NAALADL2: variants seen among roughly 807,000 people sequenced by gnomAD.
The protein encoded by NAALADL2 is N-acetylated alpha-linked acidic dipeptidase like 2.
Under a neutral mutation model 87.2 loss-of-function variants are expected in NAALADL2, and 76 were observed. The ratio of observed to expected loss-of-function variants is 0.87; its 90% CI spans 0.72 to 1.05. The LOEUF (loss-of-function observed/expected upper bound fraction) is 1.05. Ranked by LOEUF, NAALADL2 falls within the 50% of genes least tolerant of loss-of-function variation. The pLI is 0.00. For synonymous variants in NAALADL2, 354 were observed against 331.0 expected (o/e 1.07, Z -0.75); for missense variants, 1,089 against 945.8 (o/e 1.15, Z -1.99).
intron 1 of NAALADL2, among the ~76,000 whole-genome samples, chr3:174,532,404 CTT>C (rs1721328980): frequency 6.6e-6 from 1 of 152,116 alleles, no homozygotes; most frequent in East Asian, 1.9e-4. Flanking sequence ...AGAGGTCAGT[CTT>C]ATAAATATTT....
At position 175,471,727 on chromosome 3, in the gene NAALADL2, C is replaced by T. The variant is rs1415745338; in HGVS notation, c.1622C>T (p.Ala541Val). ...GGGAACTCTAGTCTGTATCCTGTAG[C>T]ATCACCATCTCTTCAGCAACTGGTA... ...IRGNSSLYPV[A>V]SPSLQQLVVE... The change falls in exon 9 of 14, where the codon GCA (alanine) becomes GTA (valine). Residue 541 changes from alanine to valine, a missense_variant. Ala to Val is a moderately conservative substitution (Grantham distance 64). Transcript: ENST00000454872. 1 of 1,608,438 alleles carries T rather than the reference C, an allele frequency of 6.2e-7. No individual in the cohort carries two copies.
chr3:174,686,279 C>T (rs1285216767), intron 2 of NAALADL2, among the ~76,000 whole-genome samples: 2 of 152,086 alleles, frequency 1.3e-5, no homozygotes, highest in Non-Finnish European at 1.5e-5. Flanking sequence ...AATTTACACT[C>T]CCACCAACAC....
Position 174,979,514 on chromosome 3 carries a change from C to A in NAALADL2, c.44-117276C>A, listed in dbSNP as rs938304123. On this transcript the variant is annotated intron_variant, in intron 1 of 13. Transcript: ENST00000454872. ...TAGAGATGGGGTTTCACCGTGTTAG[C>A]CAGGATGGTCTCCATCTGCTGGCCT... Among the ~76,000 whole-genome samples, 24 of 151,888 alleles carry A rather than the reference C, an allele frequency of 1.6e-4. No individual in the cohort carries two copies. The South Asian group carries it at 2.7e-3, about 17-fold the overall frequency.
At chr3:174,666,932 AT>A (rs1483267597) in intron 2 of NAALADL2, among the ~76,000 whole-genome samples, 1 of 152,038 alleles carries the variant, frequency 6.6e-6, no homozygotes, top group African/African-American at 2.4e-5. Context: ...ATCATACAGT[AT>A]TTGTCTTTTT....
At chr3:175,084,063 A>G (rs1479545601) in intron 1 of NAALADL2, among the ~76,000 whole-genome samples, 2 of 152,194 alleles carry the variant, frequency 1.3e-5, no homozygotes, top group East Asian at 3.8e-4. Context: ...AAGGTCTTAT[A>G]TGCTTTGGAA....
chr3:174,845,476 C>T (rs1724516956), intron 3 of NAALADL2, among the ~76,000 whole-genome samples: 1 of 152,202 alleles, frequency 6.6e-6, no homozygotes, highest in South Asian at 2.1e-4. Flanking sequence ...GTCTAGGTTT[C>T]TCTCTGGTAG....
chr3:174,870,873 C>T lies in NAALADL2; in HGVS notation c.43+11423C>T, dbSNP rs906674233. On this transcript the variant is annotated intron_variant, in intron 1 of 13. Coordinates refer to ENST00000454872, the MANE Select transcript of NAALADL2 (RefSeq NM_207015.3). Reference sequence around the variant, plus strand: ...GCTGATGTATCTGCTTTTCTATAGACACTGTATTTTACAAAAATTCATATA... The same window carrying T: ...GCTGATGTATCTGCTTTTCTATAGATACTGTATTTTACAAAAATTCATATA... Among the ~76,000 whole-genome samples, 17 of 152,202 alleles carry T rather than the reference C, an allele frequency of 1.1e-4. No individual in the cohort carries two copies. The East Asian group carries it at 3.1e-3, about 28-fold the overall frequency.
intron 11 of NAALADL2, among the ~76,000 whole-genome samples, chr3:175,726,635 C>T (rs115571013): frequency 7.9e-5 from 12 of 152,112 alleles, no homozygotes; most frequent in Non-Finnish European, 1.5e-4. Context: ...TGATAATGTG[C>T]TTTCTATTGG....
intron 3 of NAALADL2, among the ~76,000 whole-genome samples, chr3:174,780,288 G>A (rs12632787): frequency 0.25 from 38,044 of 152,012 alleles, 4,913 homozygotes; most frequent in East Asian, 0.4. Context: ...CTGTTTGTCT[G>A]TTATTGGTGT....
chr3:174,669,788 T>A (rs1408836800), intron 2 of NAALADL2, among the ~76,000 whole-genome samples: 1 of 152,032 alleles, frequency 6.6e-6, no homozygotes, highest in Non-Finnish European at 1.5e-5. Context: ...CCATTGTGAT[T>A]TTTGATACAT....
At chr3:175,127,223 C>G (rs1228032746) in intron 2 of NAALADL2, among the ~76,000 whole-genome samples, 1 of 152,096 alleles carries the variant, frequency 6.6e-6, no homozygotes, top group East Asian at 1.9e-4. Flanking sequence ...CATTTCACTT[C>G]ATTATCTCCC....
chr3:175,086,460 A>C (rs1179499083), intron 1 of NAALADL2, among the ~76,000 whole-genome samples: 1 of 152,166 alleles, frequency 6.6e-6, no homozygotes, highest in Non-Finnish European at 1.5e-5. Flanking sequence ...CATGTTGATA[A>C]AGTAATAATA....
intron 1 of NAALADL2, among the ~76,000 whole-genome samples, chr3:174,985,888 G>A (rs945996072): frequency 1.3e-5 from 2 of 151,900 alleles, no homozygotes; most frequent in African/African-American, 2.4e-5. Context: ...GGAGGCGGAG[G>A]TTGTGATGAG....
chr3:174,917,171 T>A (rs1366205314), intron 1 of NAALADL2, among the ~76,000 whole-genome samples: 1 of 152,140 alleles, frequency 6.6e-6, no homozygotes, highest in East Asian at 1.9e-4. Context: ...CAAAGAAGAT[T>A]TGTAAACACA....
intron 9 of NAALADL2, among the ~76,000 whole-genome samples, chr3:175,510,904 G>T (rs1731058525): frequency 6.6e-6 from 1 of 152,080 alleles, no homozygotes; most frequent in Non-Finnish European, 1.5e-5. Flanking sequence ...CATGTCCACA[G>T]CTCTTAACAG....
chr3:174,862,006 T>C (rs1362920334), intron 1 of NAALADL2, among the ~76,000 whole-genome samples: 1 of 152,028 alleles, frequency 6.6e-6, no homozygotes, highest in African/African-American at 2.4e-5. Flanking sequence ...CCTCTTTTAG[T>C]CCCAATGACA....
At chr3:174,582,234 T>C (rs963717527) in intron 2 of NAALADL2, among the ~76,000 whole-genome samples, 3 of 152,146 alleles carry the variant, frequency 2.0e-5, no homozygotes, top group Admixed American at 2.0e-4. Context: ...CCAAAGTACA[T>C]AGAATGGACT....
chr3:174,518,795 A>T (rs1278020335), intron 1 of NAALADL2, among the ~76,000 whole-genome samples: 6 of 152,184 alleles, frequency 3.9e-5, no homozygotes. Flanking sequence ...AAAAGTTTAG[A>T]TATATTCTAA....
At chr3:174,468,061 C>CAGT (rs1716646924) in intron 1 of NAALADL2, among the ~76,000 whole-genome samples, 1 of 152,168 alleles carries the variant, frequency 6.6e-6, no homozygotes, top group Non-Finnish European at 1.5e-5. Flanking sequence ...CTGTCTTCTA[C>CAGT]AGTATCCCCA....
Sources: gnomAD v4.1 joint callset for allele counts (sites outside exome capture counted in the v4.1 genomes callset) on GRCh38, gnomAD v4.1.1 for gene constraint, MANE v1.5 for transcripts, NCBI Gene and HGNC (gene_info 2026-07-23, HGNC 2026-07-21) for gene names.